PIWIL2: variants seen among roughly 807,000 people sequenced by gnomAD.
PIWIL2 encodes the protein piwi-like protein 2.
Under a neutral mutation model 116.5 loss-of-function variants are expected in PIWIL2, and 81 were observed. The observed-to-expected ratio is 0.70, with a 90% CI of 0.58 to 0.84. The LOEUF (loss-of-function observed/expected upper bound fraction) is 0.84. Ranked by LOEUF, PIWIL2 falls within the 40% of genes least tolerant of loss-of-function variation. The pLI, the probability that PIWIL2 is intolerant of heterozygous loss-of-function variation, is 0.00. For missense variants in PIWIL2, 1,272 were observed against 1,212.3 expected, an observed-to-expected ratio of 1.05 and a Z score of -0.73; for synonymous variants, 489 against 429.5, an observed-to-expected ratio of 1.14 and a Z score of -1.71.
chr8:22,339,759 AAG>A (rs1832065426), intron 20 of PIWIL2, among the ~76,000 whole-genome samples: 1 of 152,242 alleles, frequency 6.6e-6, no homozygotes, highest in African/African-American at 2.4e-5. Flanking sequence ...AGAATATGCA[AAG>A]AAGTCTTACA....
intron 8 of PIWIL2, among the ~76,000 whole-genome samples, chr8:22,289,416 G>A (rs776039621): frequency 2.0e-5 from 3 of 152,150 alleles, no homozygotes; most frequent in Admixed American, 2.0e-4. Context: ...CTCCCAAAGT[G>A]CTGGGATTAG....
At chr8:22,324,676 C>T (rs967620512) in intron 20 of PIWIL2, among the ~76,000 whole-genome samples, 2 of 152,172 alleles carry the variant, frequency 1.3e-5, no homozygotes, top group Non-Finnish European at 2.9e-5. Context: ...GATGAAGTCC[C>T]AATCCCCAGT....
At chr8:22,292,693 G>A (rs781737886) in intron 10 of PIWIL2, among the ~76,000 whole-genome samples, 18 of 152,208 alleles carry the variant, frequency 1.2e-4, no homozygotes, top group Non-Finnish European at 2.5e-4. Flanking sequence ...GCTGAGCAGC[G>A]GAGGTTGGCT....
intron 20 of PIWIL2, among the ~76,000 whole-genome samples, chr8:22,352,592 C>G (rs1405042619): frequency 6.6e-6 from 1 of 152,146 alleles, no homozygotes; most frequent in African/African-American, 2.4e-5. Context: ...TTATTCTTTG[C>G]CCCGACAGTT....
chr8:22,325,209 A>G (rs1319344122), intron 20 of PIWIL2, among the ~76,000 whole-genome samples: 1 of 152,010 alleles, frequency 6.6e-6, no homozygotes, highest in Non-Finnish European at 1.5e-5. Flanking sequence ...CATCCTGCCC[A>G]CTCCACTTCC....
Position 22,288,532 on chromosome 8 carries a change from T to TA in PIWIL2, c.862-9dup. Reference sequence around the variant, plus strand: ...TCATTTTGTTTCACCTGTGTGTATTTATTTGTTAGGTTCTTGAGTTAAAAA... The same window carrying TA: ...TCATTTTGTTTCACCTGTGTGTATTTAATTTGTTAGGTTCTTGAGTTAAAAA... On this transcript the variant is annotated splice_polypyrimidine_tract_variant and intron_variant, in intron 7 of 22. Transcript: ENST00000356766. The TA allele has an allele frequency of 6.2e-7, 1 of 1,609,578 alleles. No individual in the cohort carries two copies. Among genetic ancestry groups the TA allele is most frequent in the Non-Finnish European group, 8.5e-7 (1 of 1,176,810 alleles).
chr8:22,351,454 TATATATATATATA>T, intron 20 of PIWIL2, among the ~76,000 whole-genome samples: 1 of 79,588 alleles, frequency 1.3e-5, no homozygotes, highest in African/African-American at 6.7e-5. Context: ...TATATATATA[TATATATATATATA>T]TATATATATA....
rs537375399 is a variant in PIWIL2 at position 22,355,733 on chromosome 8, G to C, written c.*228G>C. 18 of 520,398 alleles carry C rather than the reference G, an allele frequency of 3.5e-5. 1 individual carries two copies. Among genetic ancestry groups the C allele is most frequent in the African/African-American group, 3.3e-4 (17 of 52,180 alleles). 32.2% of individuals were successfully genotyped at this position (520,398 alleles called of 1,614,324 possible). ...TTGTTGCCTGTGTAGAGCAAGTTAC[G>C]GTGGTACTGCCACTCTGCAGGTGGA... is the stretch of plus-strand genomic sequence containing the variant. On this transcript the variant is annotated 3_prime_UTR_variant, in exon 23 of 23. Transcript: ENST00000356766.
In PIWIL2 at chr8:22,354,405, C is replaced by G. The variant is rs1379440636; in HGVS notation, c.2765+27C>G. 1.3e-5 allele frequency: 18 copies of G among 1,428,026 alleles called. No homozygotes were observed. The Admixed American group carries it at 3.0e-4, about 24-fold the overall frequency. The allele number at this position is 1,428,026 out of a possible 1,614,324, so 88.5% of individuals were successfully genotyped here. A position where few individuals can be genotyped will look rare whatever the true frequency, so the allele number is the denominator to read the frequency against. Reference sequence around the variant, plus strand: ...TGGGCCCATCAGTAACTTACTCTTTCTCTTTCTTAAATAATTCTGGCCTGC... The same window carrying G: ...TGGGCCCATCAGTAACTTACTCTTTGTCTTTCTTAAATAATTCTGGCCTGC... On this transcript the variant is annotated intron_variant, in intron 22 of 22. Coordinates refer to ENST00000356766, the MANE Select transcript of PIWIL2 (RefSeq NM_018068.5).
intron 13 of PIWIL2, among the ~76,000 whole-genome samples, chr8:22,306,584 G>A (rs550141966): frequency 3.3e-5 from 5 of 152,194 alleles, no homozygotes; most frequent in South Asian, 2.1e-4. Flanking sequence ...CCCCAGAGCC[G>A]GCCCGCCACA....
intron 10 of PIWIL2, among the ~76,000 whole-genome samples, chr8:22,297,111 C>G (rs941282728): frequency 5.3e-5 from 8 of 152,102 alleles, no homozygotes; most frequent in Admixed American, 3.3e-4. Context: ...ACCTCAGTCT[C>G]CCAAGTAGCT....
intron 13 of PIWIL2, among the ~76,000 whole-genome samples, chr8:22,306,990 A>AC (rs1306968607): frequency 6.6e-6 from 1 of 152,242 alleles, no homozygotes; most frequent in Non-Finnish European, 1.5e-5. Context: ...ATTTTACTCA[A>AC]CAATATTTAG....
chr8:22,330,912 C>T (rs998730468), intron 20 of PIWIL2, among the ~76,000 whole-genome samples: 3 of 152,142 alleles, frequency 2.0e-5, no homozygotes, highest in African/African-American at 7.2e-5. Flanking sequence ...AGGTGGCTCA[C>T]GCCTGTAATC....
At chr8:22,352,827 A>C in intron 20 of PIWIL2, 132 bp from the exon 21 acceptor site, 1 of 868,964 alleles carries the variant, frequency 1.2e-6, no homozygotes, top group Non-Finnish European at 1.8e-6. Context: ...CCCTCTAGGC[A>C]CAGTAGCTTT....
Position 22,354,867 on chromosome 8 carries a change from C to G in PIWIL2, c.2766-482C>G, listed in dbSNP as rs576295693. Among the ~76,000 whole-genome samples, 52 of 152,096 alleles carry G rather than the reference C, an allele frequency of 3.4e-4. 1 individual carries two copies. The highest frequency in any genetic ancestry group is 1.2e-3 in the African/African-American group (51 of 41,498). On this transcript the variant is annotated intron_variant, in intron 22 of 22. Coordinates refer to ENST00000356766, the MANE Select transcript of PIWIL2 (RefSeq NM_018068.5). ...GGCGGATCACCTGAGGCCAGGAGTT[C>G]GAGACCAGCCTGACCAACATGGCAA...
chr8:22,306,261 T>G (rs564883163), intron 13 of PIWIL2, among the ~76,000 whole-genome samples: 3 of 152,324 alleles, frequency 2.0e-5, no homozygotes, highest in Admixed American at 2.0e-4. Flanking sequence ...GTAGAGGGAC[T>G]GGATTATAAA....
intron 10 of PIWIL2, among the ~76,000 whole-genome samples, 165 bp downstream of exon 10, chr8:22,290,511 A>T (rs1167932113): frequency 1.3e-5 from 2 of 151,930 alleles, no homozygotes; most frequent in Non-Finnish European, 2.9e-5. Flanking sequence ...GTTTGATCAT[A>T]GCTCGCTGTA....
At chr8:22,306,184 C>T (rs575492973) in intron 13 of PIWIL2, among the ~76,000 whole-genome samples, 168 bp downstream of exon 13, 1 of 152,308 alleles carries the variant, frequency 6.6e-6, no homozygotes, top group South Asian at 2.1e-4. Flanking sequence ...AAAACATGAT[C>T]CATGTCCCTT....
In PIWIL2 at chr8:22,347,883, TAC is replaced by T. The variant is rs1369300505; in HGVS notation, c.2404-5073_2404-5072del. On this transcript the variant is annotated intron_variant, in intron 20 of 22. Coordinates refer to ENST00000356766, the MANE Select transcript of PIWIL2 (RefSeq NM_018068.5). ...TTCTCCCTCCAGGGAGCAAATCTCT[TAC>T]ACTCCTCTGTTGCCATAGCATTTAT... Among the ~76,000 whole-genome samples, 12 of 152,200 alleles carry T rather than the reference TAC, an allele frequency of 7.9e-5. No homozygotes were observed. The East Asian group carries it at 2.3e-3, about 29-fold the overall frequency.
Sources: allele counts gnomAD v4.1 joint callset (sites outside exome capture counted in the v4.1 genomes callset), GRCh38; gene constraint gnomAD v4.1.1; transcripts MANE v1.5; gene names NCBI Gene and HGNC (gene_info 2026-07-23, HGNC 2026-07-21).